LAMC1: variants seen among roughly 807,000 people sequenced by gnomAD.
LAMC1 encodes the protein laminin subunit gamma-1.
In LAMC1, 38 loss-of-function variants were observed where a neutral mutation model predicts 173.6. The ratio of observed to expected loss-of-function variants is 0.22; its 90% CI spans 0.17 to 0.29. The LOEUF (loss-of-function observed/expected upper bound fraction) is 0.29, where lower values mean the gene tolerates loss of function less well. Among genes scored for constraint, LAMC1 ranks in the 10% least tolerant of loss-of-function variants. LAMC1 has a pLI of 1.00. For missense variants in LAMC1, 1,824 were observed against 2,051.8 expected, an observed-to-expected ratio of 0.89 and a Z score of 2.14; for synonymous variants, 746 against 749.1, an observed-to-expected ratio of 1.00 and a Z score of 0.07.
intron 24 of LAMC1, among the ~76,000 whole-genome samples, chr1:183,135,463 G>A (rs1656911362): frequency 6.6e-6 from 1 of 151,858 alleles, no homozygotes; most frequent in Non-Finnish European, 1.5e-5. Context: ...ATTCTTTGTT[G>A]TTGTTTTTTT....
chr1:183,024,045 A>G lies in LAMC1; in HGVS notation c.329A>G (p.Asn110Ser). The G allele has an allele frequency of 1.2e-6, 2 of 1,612,660 alleles. No homozygotes were observed. Among genetic ancestry groups the G allele is most frequent in the Non-Finnish European group, 1.7e-6 (2 of 1,179,648 alleles). Reference protein sequence around the residue: ...QHGAAFLTDYNNQADTTWWQS... With the variant: ...QHGAAFLTDYSNQADTTWWQS... ...GGGGCAGCCTTCCTGACCGACTACA[A>G]CAACCAGGCCGACACCACCTGGTGG... Residue 110 changes from asparagine (N) to serine (S), a missense_variant, in exon 1 of 28, where the codon AAC (asparagine) becomes AGC (serine). Coordinates refer to ENST00000258341, the MANE Select transcript of LAMC1 (RefSeq NM_002293.4).
At chr1:183,084,628 T>G (rs1250419137) in intron 1 of LAMC1, among the ~76,000 whole-genome samples, 1 of 152,194 alleles carries the variant, frequency 6.6e-6, no homozygotes, top group Non-Finnish European at 1.5e-5. Flanking sequence ...CAGTTCTCCC[T>G]TTTCTGAAAG....
At chr1:183,034,301 C>T (rs10752889) in intron 1 of LAMC1, among the ~76,000 whole-genome samples, 75,757 of 151,940 alleles carry the variant, frequency 0.5, 19,590 homozygotes, top group South Asian at 0.64. Flanking sequence ...GATGGAGTCT[C>T]ACTCTGTTGC....
chr1:183,086,749 G>A lies in LAMC1; in HGVS notation c.419-16579G>A, dbSNP rs1295462923. Among the ~76,000 whole-genome samples, 4 of 152,178 alleles carry A rather than the reference G, an allele frequency of 2.6e-5. 1 individual carries two copies. The highest frequency in any genetic ancestry group is 4.1e-4 in the South Asian group (2 of 4,832). ...GACTGAGTACAGAATATTGGCAAAA[G>A]CATTGTAGAGGGTCAGAAAATTACT... On this transcript the variant is annotated intron_variant, in intron 1 of 27. Transcript: ENST00000258341.
chr1:183,073,078 T>G (rs924400353), intron 1 of LAMC1, among the ~76,000 whole-genome samples: 5 of 152,234 alleles, frequency 3.3e-5, no homozygotes, highest in African/African-American at 1.2e-4. Flanking sequence ...CCAAAAAGGT[T>G]GGGGACTGCT....
At chr1:183,112,090 C>T (rs1224227668) in intron 4 of LAMC1, among the ~76,000 whole-genome samples, 1 of 152,100 alleles carries the variant, frequency 6.6e-6, no homozygotes, top group African/African-American at 2.4e-5. Context: ...GAGAAGGGAC[C>T]ACTATCTTAA....
intron 24 of LAMC1, among the ~76,000 whole-genome samples, chr1:183,136,003 A>G (rs1486472839): frequency 1.3e-5 from 2 of 152,012 alleles, no homozygotes; most frequent in Non-Finnish European, 2.9e-5. Context: ...TTAATCCTCA[A>G]TTTTCTTATA....
intron 1 of LAMC1, among the ~76,000 whole-genome samples, chr1:183,065,176 C>T (rs943485501): frequency 3.9e-5 from 6 of 151,982 alleles, no homozygotes; most frequent in East Asian, 1.9e-4. Context: ...GGAAAAGGTA[C>T]GGTAAAAATA....
At chr1:183,100,893 C>T (rs1256938636) in intron 1 of LAMC1, among the ~76,000 whole-genome samples, 1 of 152,186 alleles carries the variant, frequency 6.6e-6, no homozygotes, top group African/African-American at 2.4e-5. Flanking sequence ...AGCTCAGTGC[C>T]AGCAAGGCCA....
intron 1 of LAMC1, among the ~76,000 whole-genome samples, chr1:183,084,057 T>C (rs1361956869): frequency 6.6e-6 from 1 of 152,216 alleles, no homozygotes; most frequent in African/African-American, 2.4e-5. Flanking sequence ...AAGTATTCTT[T>C]AAAAAGCATA....
chr1:183,075,186 T>C (rs1655095146), intron 1 of LAMC1, among the ~76,000 whole-genome samples: 1 of 150,834 alleles, frequency 6.6e-6, no homozygotes, highest in Admixed American at 6.6e-5. Flanking sequence ...AGTGTAGTAG[T>C]GTGATCACAG....
chr1:183,128,639 G>C lies in LAMC1; in HGVS notation c.3169G>C (p.Ala1057Pro). 6.2e-7 allele frequency: 1 copy of C among 1,613,722 alleles called. No individual in the cohort carries two copies. The highest frequency in any genetic ancestry group is 1.1e-5 in the South Asian group (1 of 91,032). Residue 1057 changes from alanine to proline, a missense_variant, in exon 18 of 28, where the codon GCA (alanine) becomes CCA (proline). By Grantham distance (27) the Ala-to-Pro change is conservative. Transcript: ENST00000258341. Reference protein sequence around the residue: ...VKLQELESLIANLGTGDEMVT... With the variant: ...VKLQELESLIPNLGTGDEMVT... ...GCTCCAGGAATTAGAGAGTCTCATA[G>C]CAAACCTTGGAACTGGGGATGAGAT...
In LAMC1 at chr1:183,114,700, A is replaced by G. The variant is rs761220291; in HGVS notation, c.1191A>G (p.Ser397=). Residue 397 remains serine, a synonymous_variant, in exon 5 of 28, where the codon TCA becomes TCG. Transcript: ENST00000258341. ...TTGGCAACAATGAAGCCTGCTCTTC[A>G]TGCCACTGTAGTCCTGTGGGTAAGT... The part of the protein sequence containing the change: ...FRLGNNEACS[S]CHCSPVGSLS... 4.3e-6 allele frequency: 7 copies of G among 1,614,210 alleles called. No individual in the cohort carries two copies. Among genetic ancestry groups the G allele is most frequent in the South Asian group, 1.1e-5 (1 of 91,088 alleles).
At chr1:183,100,954 C>G (rs1655820182) in intron 1 of LAMC1, among the ~76,000 whole-genome samples, 1 of 152,188 alleles carries the variant, frequency 6.6e-6, no homozygotes, top group Non-Finnish European at 1.5e-5. Context: ...AGCATAATTG[C>G]TTTCTGGACA....
chr1:183,132,908 CT>C (rs1256048848), intron 21 of LAMC1, among the ~76,000 whole-genome samples: 1 of 151,742 alleles, frequency 6.6e-6, no homozygotes, highest in Non-Finnish European at 1.5e-5. Flanking sequence ...AAAATTTTTT[CT>C]TTTTTTTGTT....
rs745423686 is a variant in LAMC1 at position 183,140,526 on chromosome 1, T to C, written c.4573+23T>C. Reference sequence around the variant, plus strand: ...TGGGTACGTAGCCATAGAGTCATTTTTGTCAGTCTCTGAATCTTTTGTACT... The same window carrying C: ...TGGGTACGTAGCCATAGAGTCATTTCTGTCAGTCTCTGAATCTTTTGTACT... On this transcript the variant is annotated intron_variant, in intron 27 of 27. Transcript: ENST00000258341. The C allele has an allele frequency of 3.3e-6, 5 of 1,502,820 alleles. No individual in the cohort carries two copies. In the Admixed American group the frequency reaches 8.5e-5, roughly 25 times the overall value. The allele number at this position is 1,502,820 out of a possible 1,614,324, so 93.1% of individuals were successfully genotyped here.
intron 1 of LAMC1, among the ~76,000 whole-genome samples, chr1:183,073,119 T>C (rs1215043149): frequency 1.3e-5 from 2 of 152,242 alleles, no homozygotes; most frequent in African/African-American, 2.4e-5. Context: ...CTGGACATCA[T>C]TGTAACATCA....
chr1:183,087,884 G>C (rs1481901898), intron 1 of LAMC1, among the ~76,000 whole-genome samples: 7 of 151,566 alleles, frequency 4.6e-5, no homozygotes, highest in Non-Finnish European at 7.4e-5. Flanking sequence ...TGCGATGTCG[G>C]CTCACCACAA....
chr1:183,133,534 A>G lies in LAMC1; in HGVS notation c.3833A>G (p.Asp1278Gly), dbSNP rs144132773. The change falls in exon 22 of 28, where the codon GAC (aspartate) becomes GGC (glycine). Residue 1278 changes from aspartate to glycine, a missense_variant. Asp to Gly is a moderately conservative substitution (Grantham distance 94, BLOSUM62 -1). Coordinates refer to ENST00000258341, the MANE Select transcript of LAMC1 (RefSeq NM_002293.4). Reference protein sequence around the residue: ...YASVAQLSPLDSETLENEANN... With the variant: ...YASVAQLSPLGSETLENEANN... ...AGCGTGGCTCAGCTGAGCCCTTTGGACTCTGAGACACTGGAGGTATGGGGG... is the reference window on the plus strand; with the variant it reads ...AGCGTGGCTCAGCTGAGCCCTTTGGGCTCTGAGACACTGGAGGTATGGGGG... 3.7e-6 allele frequency: 6 copies of G among 1,611,890 alleles called. No individual in the cohort carries two copies. The Admixed American group carries it at 5.0e-5, about 13-fold the overall frequency.
Sources: gnomAD v4.1 joint callset for allele counts (sites outside exome capture counted in the v4.1 genomes callset) on GRCh38, gnomAD v4.1.1 for gene constraint, MANE v1.5 for transcripts, NCBI Gene and HGNC (gene_info 2026-07-23, HGNC 2026-07-21) for gene names.